Variants in RBFOX1 observed in about 807,000 individuals in gnomAD.
RBFOX1 encodes RNA binding fox-1 homolog 1, also known as RNA binding protein fox-1 homolog 1.
Under a neutral mutation model 57.7 loss-of-function variants are expected in RBFOX1, and 8 were observed. The observed-to-expected ratio is 0.14, with a 90% CI of 0.08 to 0.25. The LOEUF is 0.25. Among genes scored for constraint, RBFOX1 ranks in the 10% least tolerant of loss-of-function variants. The probability of loss-of-function intolerance (pLI) is 1.00; values close to 1 mark genes in which losing one functional copy is unlikely to be tolerated. For missense variants in RBFOX1, 611 were observed against 548.5 expected (o/e 1.11, Z -1.14); for synonymous variants, 326 against 222.4 (o/e 1.47, Z -4.15).
At chr16:6,083,505 C>G (rs1389330822) in intron 1 of RBFOX1, among the ~76,000 whole-genome samples, 1 of 152,068 alleles carries the variant, frequency 6.6e-6, no homozygotes, top group African/African-American at 2.4e-5. Flanking sequence ...GAGATAGGGT[C>G]TTGCTTTCTT....
chr16:6,716,813 C>T (rs2064920739), intron 3 of RBFOX1, among the ~76,000 whole-genome samples: 1 of 151,946 alleles, frequency 6.6e-6, no homozygotes. Flanking sequence ...AAGTTTGGGA[C>T]AGCTGATGGC....
intron 2 of RBFOX1, among the ~76,000 whole-genome samples, chr16:6,637,499 TAATATTCTATATAG>T (rs1567987724): frequency 8.2e-5 from 4 of 49,038 alleles, no homozygotes; most frequent in Admixed American, 8.1e-4. Flanking sequence ...ATATTATATA[TAATATTCTATATAG>T]TATATATAAT....
downstream of RBFOX1, among the ~76,000 whole-genome samples, chr16:5,600,583 C>G (rs968631869): frequency 6.6e-6 from 1 of 151,824 alleles, no homozygotes; most frequent in Non-Finnish European, 1.5e-5. Context: ...ATGCACCAAG[C>G]TATACTGACC....
rs201511039 is a variant in RBFOX1 at position 7,416,727 on chromosome 16, TG to T, written c.28-101419del. ...AGTAAAAGGCAAGCGACTTTAGGGA[TG>T]TTTTTTTTTCTTTCCACATATATGT... is the stretch of plus-strand genomic sequence containing the variant. On this transcript the variant is annotated intron_variant, in intron 4 of 15. Coordinates refer to ENST00000550418, the MANE Select transcript of RBFOX1 (RefSeq NM_018723.4). Among the ~76,000 whole-genome samples, 1,155 of 146,972 alleles carry T rather than the reference TG, an allele frequency of 7.9e-3. 14 individuals carry two copies. The highest frequency in any genetic ancestry group is 0.028 in the African/African-American group (1,056 of 37,644).
chr16:5,728,323 C>G (rs2052231673), intron 3 of RBFOX1, among the ~76,000 whole-genome samples: 2 of 152,188 alleles, frequency 1.3e-5, no homozygotes, highest in African/African-American at 2.4e-5. Context: ...TGGATGAATG[C>G]TGCTTTTTAT....
At position 6,939,704 on chromosome 16, in the gene RBFOX1, GC is replaced by G. The variant is rs973250215; in HGVS notation, c.-15-112352del. 5.2e-4 allele frequency among the ~76,000 whole-genome samples: 79 copies of G among 151,950 alleles called. 2 individuals are homozygous for G. The highest frequency in any genetic ancestry group is 1.8e-3 in the African/African-American group (73 of 41,408). ...TTTTTGTATCTTTGGTAGAGTTGAG[GC>G]TTCACTATGTTGGCCGGGCTGGTCT... is the stretch of plus-strand genomic sequence containing the variant. On this transcript the variant is annotated intron_variant, in intron 3 of 15. Transcript: ENST00000550418.
chr16:6,147,836 C>T (rs1184527162), intron 1 of RBFOX1, among the ~76,000 whole-genome samples: 1 of 152,204 alleles, frequency 6.6e-6, no homozygotes, highest in East Asian at 1.9e-4. Flanking sequence ...TCCTTTCAGT[C>T]TATCAACAAA....
intron 4 of RBFOX1, among the ~76,000 whole-genome samples, chr16:7,393,310 G>A (rs74012541): frequency 1.3e-5 from 2 of 152,148 alleles, no homozygotes; most frequent in African/African-American, 2.4e-5. Flanking sequence ...CTGGGAAGAT[G>A]GGGTACTTGA....
At chr16:5,334,704 C>G (rs2151281946) in intron 1 of RBFOX1, among the ~76,000 whole-genome samples, 1 of 151,898 alleles carries the variant, frequency 6.6e-6, no homozygotes, top group Middle Eastern at 3.4e-3. Context: ...GTTCTCTTTA[C>G]AATATAATTA....
At chr16:6,995,318 GTGTGTGTGT>G (rs2092094367) in intron 3 of RBFOX1, among the ~76,000 whole-genome samples, 1 of 151,594 alleles carries the variant, frequency 6.6e-6, no homozygotes, top group Non-Finnish European at 1.5e-5. Context: ...GTGTGTGTGT[GTGTGTGTGT>G]GTGTTAGAAG....
intron 2 of RBFOX1, among the ~76,000 whole-genome samples, chr16:6,511,878 G>C (rs781530801): frequency 6.6e-6 from 1 of 152,114 alleles, no homozygotes; most frequent in Admixed American, 6.6e-5. Flanking sequence ...GGAAACCAGT[G>C]CCTGTGCAGC....
At chr16:6,928,617 C>G (rs544824527) in intron 3 of RBFOX1, among the ~76,000 whole-genome samples, 70 of 152,192 alleles carry the variant, frequency 4.6e-4, no homozygotes, top group Admixed American at 1.2e-3. Context: ...CCTGTAGCTC[C>G]CAAGGTCTCT....
At chr16:5,373,470 C>G (rs969892256) in intron 1 of RBFOX1, among the ~76,000 whole-genome samples, 1 of 152,126 alleles carries the variant, frequency 6.6e-6, no homozygotes, top group Admixed American at 6.5e-5. Context: ...CCTTCACTTT[C>G]TCTTCCTCCT....
chr16:6,062,079 A>G (rs13337459), intron 1 of RBFOX1, among the ~76,000 whole-genome samples: 15,849 of 152,134 alleles, frequency 0.1, 1,017 homozygotes, highest in African/African-American at 0.17. Flanking sequence ...GGATATTACA[A>G]TGGATAGAGA....
chr16:6,302,871 G>A (rs1871419453), intron 1 of RBFOX1, among the ~76,000 whole-genome samples: 1 of 152,142 alleles, frequency 6.6e-6, no homozygotes, highest in South Asian at 2.1e-4. Flanking sequence ...AATACTAAGG[G>A]AGGGTTTTTA....
intron 3 of RBFOX1, among the ~76,000 whole-genome samples, chr16:5,846,847 C>G (rs1237954221): frequency 6.6e-6 from 1 of 152,210 alleles, no homozygotes; most frequent in Non-Finnish European, 1.5e-5. Flanking sequence ...TTGGGATTAC[C>G]TTCAGAGCAG....
intron 4 of RBFOX1, among the ~76,000 whole-genome samples, chr16:5,951,404 C>T (rs1444072718): frequency 6.6e-6 from 1 of 152,084 alleles, no homozygotes. Flanking sequence ...GTCGAGATGG[C>T]ACCACTGCAT....
intron 5 of RBFOX1, among the ~76,000 whole-genome samples, chr16:7,547,044 T>C (rs1172950191): frequency 6.6e-6 from 1 of 151,980 alleles, no homozygotes; most frequent in Non-Finnish European, 1.5e-5. Context: ...GGCAGTGTCC[T>C]GTCTCCTGCA....
At chr16:5,542,129 A>C (rs538617582) in intron 2 of RBFOX1, among the ~76,000 whole-genome samples, 14 of 152,302 alleles carry the variant, frequency 9.2e-5, no homozygotes, top group Admixed American at 3.9e-4. Context: ...CGTCAGGTCC[A>C]GAGCATGGGA....
Sources: allele counts gnomAD v4.1 joint callset (sites outside exome capture counted in the v4.1 genomes callset), GRCh38; gene constraint gnomAD v4.1.1; transcripts MANE v1.5; gene names NCBI Gene and HGNC (gene_info 2026-07-23, HGNC 2026-07-21).